The following FLT4 variants were observed in gnomAD, a reference collection of about 807,000 sequenced individuals.
FLT4 encodes fms related receptor tyrosine kinase 4.
A neutral mutation model predicts 163.2 loss-of-function variants in FLT4; 30 were observed. That is an observed-to-expected ratio of 0.18 (90% CI 0.14 to 0.25). The LOEUF (loss-of-function observed/expected upper bound fraction) is 0.25, where lower values mean the gene tolerates loss of function less well. Among genes scored for constraint, FLT4 ranks in the 10% least tolerant of loss-of-function variants. The pLI, the probability that FLT4 is intolerant of heterozygous loss-of-function variation, is 1.00. For synonymous variants in FLT4, 884 were observed against 789.5 expected (o/e 1.12, Z -2.01); for missense variants, 1,510 against 1,863.8 (o/e 0.81, Z 3.50).
At chr5:180,621,457 C>T (rs1409209580) in intron 13 of FLT4, 85 bp downstream of exon 13, 4 of 1,563,694 alleles carry the variant, frequency 2.6e-6, no homozygotes, top group South Asian at 2.4e-5. Context: ...ATAGACCTCC[C>T]AGGGGCGAGC....
rs1763568878 is a variant in FLT4 at position 180,625,964 on chromosome 5, G to A, written c.1326C>T (p.Ala442=). The A allele has an allele frequency of 6.2e-7, 1 of 1,612,700 alleles. No individual in the cohort carries two copies. The highest frequency in any genetic ancestry group is 8.5e-7 in the Non-Finnish European group (1 of 1,179,984). Residue 442 remains alanine, a synonymous_variant, in exon 10 of 30, where the codon GCC becomes GCT. Coordinates refer to ENST00000261937, the MANE Select transcript of FLT4 (RefSeq NM_182925.5). ...PSIYSRHSRQ[A]LTCTAYGVPL... ...GCACCCCGTAGGCCGTGCAGGTGAGGGCCTGGCGGCTGTGACGCGAGTAGA... is the reference window on the plus strand; with the variant it reads ...GCACCCCGTAGGCCGTGCAGGTGAGAGCCTGGCGGCTGTGACGCGAGTAGA...
intron 29 of FLT4, chr5:180,608,007 G>C: frequency 1.5e-6 from 1 of 680,724 alleles, no homozygotes; most frequent in East Asian, 2.7e-5. Context: ...CCTTGGAGGA[G>C]TCAGGGAACA....
chr5:180,633,577 G>A (rs986866498), intron 1 of FLT4, among the ~76,000 whole-genome samples: 2 of 152,198 alleles, frequency 1.3e-5, no homozygotes, highest in Non-Finnish European at 2.9e-5. Flanking sequence ...CCAGGGGCTG[G>A]GGGATCCCTG....
At chr5:180,627,383 G>A (rs1437934933) in intron 8 of FLT4, among the ~76,000 whole-genome samples, 1 of 152,188 alleles carries the variant, frequency 6.6e-6, no homozygotes, top group East Asian at 1.9e-4. Flanking sequence ...CTGTCTGCAT[G>A]GCTCTGGTCC....
rs1309857166 is a variant in FLT4, at chr5:180,628,948, G to A, written c.1037C>T (p.Thr346Met). The change falls in exon 8 of 30, where the codon ACG becomes ATG. Residue 346 changes from threonine to methionine, a missense_variant. Thr to Met is a moderately conservative substitution (Grantham distance 81). Coordinates refer to ENST00000261937, the MANE Select transcript of FLT4 (RefSeq NM_182925.5). Reference protein sequence around the residue: ...EWLKGPILEATAGDELVKLPV... With the variant: ...EWLKGPILEAMAGDELVKLPV... ...CAGCTTCACCAGCTCGTCTCCTGCC[G>A]TGGCCTCCAGGATGGGTCCTTTGAG... 9.9e-6 allele frequency: 16 copies of A among 1,612,626 alleles called. No homozygotes were observed. Among genetic ancestry groups the A allele is most frequent in the South Asian group, 4.4e-5 (4 of 91,090 alleles).
Position 180,620,547 on chromosome 5 carries a change from G to A in FLT4, c.2406+62C>T, listed in dbSNP as rs2127811623. On this transcript the variant is annotated intron_variant, in intron 16 of 29. Coordinates refer to ENST00000261937, the MANE Select transcript of FLT4 (RefSeq NM_182925.5). The surrounding 1 kb of genome is among the most constrained non-coding windows in gnomAD (Gnocchi z 4.4). ...GGCGGGCACCTTATTCTTTATCTTA[G>A]GGGCGGCCAGGGTGGGGAAGGCCTG... The A allele has an allele frequency of 7.4e-7, 1 of 1,359,440 alleles. No homozygotes were observed. Among genetic ancestry groups the A allele is most frequent in the Non-Finnish European group, 1.0e-6 (1 of 953,682 alleles). The allele number at this position is 1,359,440 out of a possible 1,614,324, so 84.2% of individuals were successfully genotyped here. A position where few individuals can be genotyped will look rare whatever the true frequency, so the allele number is the denominator to read the frequency against.
chr5:180,620,772 G>C lies in FLT4; in HGVS notation c.2300-57C>G. On this transcript the variant is annotated intron_variant, in intron 15 of 29. Transcript: ENST00000261937. The surrounding 1 kb of genome is among the most constrained non-coding windows in gnomAD (Gnocchi z 4.4). ...TGTGTGTGTGTAAGAGCGTGCACCT[G>C]CAGGCAGCACCCCTTCTGGTGGCCA... The C allele has an allele frequency of 1.9e-6, 3 of 1,594,390 alleles. No homozygotes were observed. In the South Asian group the frequency reaches 3.3e-5, roughly 18 times the overall value.
intron 29 of FLT4, among the ~76,000 whole-genome samples, chr5:180,607,265 A>G (rs1761852775): frequency 6.6e-6 from 1 of 152,200 alleles, no homozygotes; most frequent in African/African-American, 2.4e-5. Flanking sequence ...TGTTGCCAAA[A>G]TACATCCCAG....
At position 180,626,283 on chromosome 5, in the gene FLT4, G is replaced by A. The variant is rs957025382; in HGVS notation, c.1104-18C>T. ...CCTTGTACCTGGCCAGGGAAGGGAG[G>A]TCAGGGCCCATACAGATCCCACCAC... On this transcript the variant is annotated intron_variant, in intron 8 of 29. Transcript: ENST00000261937. The A allele has an allele frequency of 5.6e-6, 9 of 1,610,152 alleles. No homozygotes were observed. Among genetic ancestry groups the A allele is most frequent in the Admixed American group, 1.7e-5 (1 of 60,006 alleles).
Position 180,604,123 on chromosome 5 carries a change from G to A in FLT4, c.3894-733C>T, listed in dbSNP as rs1037723296. ...GACTTCAGAAAACACACACAGACTC[G>A]ACTCAAACAGCAAAGCGGATCGATC... is the stretch of plus-strand genomic sequence containing the variant. On this transcript the variant is annotated intron_variant, in intron 29 of 29. Coordinates refer to ENST00000261937, the MANE Select transcript of FLT4 (RefSeq NM_182925.5). Among the ~76,000 whole-genome samples, 7 of 152,200 alleles carry A rather than the reference G, an allele frequency of 4.6e-5. No homozygotes were observed. In the East Asian group the frequency reaches 9.7e-4, roughly 21 times the overall value.
Position 180,621,086 on chromosome 5 carries a change from G to A in FLT4, c.2167+20C>T, listed in dbSNP as rs769582484. On this transcript the variant is annotated intron_variant, in intron 14 of 29. Transcript: ENST00000261937. Reference sequence around the variant, plus strand: ...TCGCGGGCCTCCGGACCTGCCCTTCGCCAGGGCCACCCTCCCTACCAGACT... The same window carrying A: ...TCGCGGGCCTCCGGACCTGCCCTTCACCAGGGCCACCCTCCCTACCAGACT... The A allele has an allele frequency of 1.1e-5, 18 of 1,612,702 alleles. No individual in the cohort carries two copies. Among genetic ancestry groups the A allele is most frequent in the Non-Finnish European group, 1.4e-5 (17 of 1,179,938 alleles).
chr5:180,619,803 G>C, intron 17 of FLT4, 34 bp from the exon 18 acceptor site: 1 of 1,525,754 alleles, frequency 6.6e-7, no homozygotes, highest in Non-Finnish European at 9.1e-7. Flanking sequence ...CAGGTGAGCT[G>C]TACGGGGTGA....
rs757725277 is a variant in FLT4 at position 180,603,240 on chromosome 5, G to A, written c.4044C>T (p.His1348=). 2 of 1,614,208 alleles carry A rather than the reference G, an allele frequency of 1.2e-6. No individual in the cohort carries two copies. The highest frequency in any genetic ancestry group is 3.3e-5 in the Admixed American group (2 of 60,038). ...AAGTCACGCGGGCAGACGGGGAGCA[G>A]TGGTCCTCCTCGCTTGGCTCCGACA... is the stretch of plus-strand genomic sequence containing the variant. ...GELSEPSEED[H]CSPSARVTFF... is the part of the protein sequence containing the mutation. The change falls in exon 30 of 30, where the codon CAC becomes CAT. Residue 1348 remains histidine (H), a synonymous_variant. Transcript: ENST00000261937.
chr5:180,621,306 C>G, intron 13 of FLT4, 54 bp from the exon 14 acceptor site: 1 of 1,574,070 alleles, frequency 6.4e-7, no homozygotes, highest in Non-Finnish European at 8.7e-7. Flanking sequence ...GCAGGAGGAC[C>G]CTCTTTGGGC....
At chr5:180,642,208 A>G in intron 1 of FLT4, among the ~76,000 whole-genome samples, 1 of 133,130 alleles carries the variant, frequency 7.5e-6, no homozygotes. Context: ...CTCTGTGTGA[A>G]AAAAAAAAAA....
chr5:180,647,452 C>A (rs146333884), intron 1 of FLT4, among the ~76,000 whole-genome samples: 2 of 152,104 alleles, frequency 1.3e-5, no homozygotes, highest in Non-Finnish European at 2.9e-5. Context: ...AAGGACTTTA[C>A]GGCAGAGGCA....
intron 23 of FLT4, among the ~76,000 whole-genome samples, chr5:180,615,205 C>T (rs1762556681): frequency 8.9e-6 from 1 of 111,736 alleles, no homozygotes; most frequent in Non-Finnish European, 2.0e-5. Flanking sequence ...CGCTGGTCAC[C>T]TCCCTTCTCC....
chr5:180,625,745 G>A, intron 10 of FLT4, 124 bp downstream of exon 10: 1 of 902,280 alleles, frequency 1.1e-6, no homozygotes. Context: ...CAAGTTCAGA[G>A]CAGGGCCCTG....
At chr5:180,643,711 A>G (rs1328568286) in intron 1 of FLT4, among the ~76,000 whole-genome samples, 1 of 151,668 alleles carries the variant, frequency 6.6e-6, no homozygotes, top group Non-Finnish European at 1.5e-5. Context: ...CCCACCTCTG[A>G]CGTCTGAGCT....
Sources: gnomAD v4.1 joint callset for allele counts (sites outside exome capture counted in the v4.1 genomes callset) on GRCh38, gnomAD v4.1.1 for gene constraint, Gnocchi (gnomAD v3.1) non-coding constraint, MANE v1.5 for transcripts, NCBI Gene and HGNC (gene_info 2026-07-23, HGNC 2026-07-21) for gene names.